Variants in SERPINB13 observed in about 807,000 individuals in gnomAD.
The protein encoded by SERPINB13 is serpin family B member 13.
A neutral mutation model predicts 31.2 loss-of-function variants in SERPINB13; 26 were observed. The observed-to-expected ratio is 0.83, with a 90% CI of 0.61 to 1.15. The LOEUF is 1.15. Ranked by LOEUF, SERPINB13 falls within the 50% of genes most tolerant of loss-of-function variation. SERPINB13 has a pLI of 0.00. For missense variants in SERPINB13, 510 were observed against 469.4 expected, an observed-to-expected ratio of 1.09 and a Z score of -0.80; for synonymous variants, 191 against 172.4, an observed-to-expected ratio of 1.11 and a Z score of -0.85.
In SERPINB13 at chr18:63,589,451, T is replaced by TCACACACACACACA. The variant is rs112829867; in HGVS notation, c.166-179_166-166dup. ...ACCTGGCCAAAAGAGCAAAACTCCA[T>TCACACACACACACA]CACACACACACACACACACACACAC... On this transcript the variant is annotated intron_variant, in intron 2 of 7. Coordinates refer to ENST00000344731, the MANE Select transcript of SERPINB13 (RefSeq NM_012397.4). Among the ~76,000 whole-genome samples the TCACACACACACACA allele has an allele frequency of 3.3e-3, 367 of 111,982 alleles. 2 individuals are homozygous for TCACACACACACACA. The highest frequency in any genetic ancestry group is 9.4e-3 in the African/African-American group (337 of 35,700). 73.5% of individuals were successfully genotyped at this position (111,982 alleles called of 152,430 possible). A position where few individuals can be genotyped will look rare whatever the true frequency, so the allele number is the denominator to read the frequency against.
rs748247947 is a variant in SERPINB13, at chr18:63,597,340, T to G, written c.1153T>G (p.Phe385Val). Residue 385 changes from phenylalanine to valine, a missense_variant, in exon 8 of 8, where the codon TTC becomes GTC. Phe to Val is a conservative substitution (Grantham distance 50). Transcript: ENST00000344731. ...CAATGAATCCAACAGCATCCTCTTC[T>G]TCGGCAGATTTTCTTCTCCTTAAGA... Reference protein sequence around the residue: ...RHNESNSILFFGRFSSP With the variant: ...RHNESNSILFVGRFSSP The G allele has an allele frequency of 1.2e-5, 19 of 1,613,014 alleles. No individual in the cohort carries two copies. The highest frequency in any genetic ancestry group is 1.6e-5 in the Non-Finnish European group (19 of 1,179,414).
At chr18:63,592,115 G>C (rs1013759108) in intron 3 of SERPINB13, among the ~76,000 whole-genome samples, 6 of 152,196 alleles carry the variant, frequency 3.9e-5, no homozygotes, top group Admixed American at 6.5e-5. Flanking sequence ...TGCAAGATCT[G>C]TGGTGTTGGG....
At position 63,592,280 on chromosome 18, in the gene SERPINB13, C is replaced by T. The variant is rs1911898315; in HGVS notation, c.226-68C>T. ...GAGGGAGAGACCCAGCAGCCGCATC[C>T]TCTTAGGGGAGAATCTGGGCTTGCT... On this transcript the variant is annotated intron_variant, in intron 3 of 7. Coordinates refer to ENST00000344731, the MANE Select transcript of SERPINB13 (RefSeq NM_012397.4). 1.9e-6 allele frequency: 3 copies of T among 1,556,618 alleles called. No individual in the cohort carries two copies. In the East Asian group the frequency reaches 6.8e-5, roughly 35 times the overall value.
At chr18:63,593,451 A>G (rs907918505) in intron 5 of SERPINB13, among the ~76,000 whole-genome samples, 4 of 152,168 alleles carry the variant, frequency 2.6e-5, no homozygotes, top group Admixed American at 2.6e-4. Flanking sequence ...GTTCCCATCC[A>G]CAGCTGGGGC....
intron 6 of SERPINB13, among the ~76,000 whole-genome samples, chr18:63,594,722 C>T (rs186074623): frequency 6.6e-6 from 1 of 151,956 alleles, no homozygotes; most frequent in African/African-American, 2.4e-5. Flanking sequence ...GCCGGTAGTC[C>T]CAGCTACTTG....
chr18:63,588,837 G>A lies in SERPINB13; in HGVS notation c.165+5G>A. 6.2e-7 allele frequency: 1 copy of A among 1,613,078 alleles called. No individual in the cohort carries two copies. The highest frequency in any genetic ancestry group is 2.2e-5 in the East Asian group (1 of 44,836). On this transcript the variant is annotated splice_donor_5th_base_variant and intron_variant, in intron 2 of 7. Transcript: ENST00000344731. ...ACCGCTTCCCAGTTGGAGGAGGTTGGGCGCAGTCAGGGGGCTTCCTTGTTT... is the reference window on the plus strand; with the variant it reads ...ACCGCTTCCCAGTTGGAGGAGGTTGAGCGCAGTCAGGGGGCTTCCTTGTTT...
At position 63,599,061 on chromosome 18, in the gene SERPINB13, T is replaced by C. The variant is rs1912350994; in HGVS notation, c.*1698T>C. The C allele has an allele frequency of 6.6e-6, 1 of 152,182 alleles. No homozygotes were observed. The highest frequency in any genetic ancestry group is 2.4e-5 in the African/African-American group (1 of 41,444). The allele number at this position is 152,182 out of a possible 1,614,324, so 9.4% of individuals were successfully genotyped here. ...TTGTTTGACTTTGTTTGGTGAAATG[T>C]ATACAAATCATTTGCTCATTTTTAA... is the stretch of plus-strand genomic sequence containing the variant. On this transcript the variant is annotated 3_prime_UTR_variant, in exon 8 of 8. Coordinates refer to ENST00000344731, the MANE Select transcript of SERPINB13 (RefSeq NM_012397.4).
chr18:63,599,091 G>A lies in SERPINB13; in HGVS notation c.*1728G>A, dbSNP rs1912351943. ...AAATCATTTGCTCATTTTTAATTTG[G>A]GTTGTCTGTCTTGTCTTCTCATTTT... On this transcript the variant is annotated 3_prime_UTR_variant, in exon 8 of 8. Transcript: ENST00000344731. 6.6e-6 allele frequency: 1 copy of A among 151,762 alleles called. No homozygotes were observed. The highest frequency in any genetic ancestry group is 2.4e-5 in the African/African-American group (1 of 41,306). 9.4% of individuals were successfully genotyped at this position (151,762 alleles called of 1,614,324 possible). A position where few individuals can be genotyped will look rare whatever the true frequency, so the allele number is the denominator to read the frequency against.
rs775291901 is a variant in SERPINB13 at position 63,588,814 on chromosome 18, C to G, written c.147C>G (p.Thr49=). Residue 49 remains threonine (T), a synonymous_variant, in exon 2 of 8, where the codon ACC becomes ACG. Transcript: ENST00000344731. ...GMVLLGTRGA[T]ASQLEEVFHS... ...TCCTCCTGGGGACCCGAGGAGCCAC[C>G]GCTTCCCAGTTGGAGGAGGTTGGGC... 7 of 1,613,838 alleles carry G rather than the reference C, an allele frequency of 4.3e-6. No individual in the cohort carries two copies. In the South Asian group the frequency reaches 5.5e-5, roughly 13 times the overall value.
At position 63,594,501 on chromosome 18, in the gene SERPINB13, T is replaced by G; in HGVS notation, c.615+4T>G. The stretch of plus-strand genomic sequence containing the variant: ...AGAGAAATTTTGGATGAATAAGGTA[T>G]GGCCCTTAGTTTATTTTCGTGATGT... On this transcript the variant is annotated splice_donor_region_variant and intron_variant, in intron 6 of 7. Coordinates refer to ENST00000344731, the MANE Select transcript of SERPINB13 (RefSeq NM_012397.4). 3 of 1,613,104 alleles carry G rather than the reference T, an allele frequency of 1.9e-6. No individual in the cohort carries two copies. The South Asian group carries it at 3.3e-5, about 18-fold the overall frequency.
intron 3 of SERPINB13, among the ~76,000 whole-genome samples, chr18:63,591,288 C>G (rs896221793): frequency 6.6e-6 from 1 of 152,156 alleles, no homozygotes; most frequent in Non-Finnish European, 1.5e-5. Context: ...TAAGATTCAT[C>G]TATTTTAAGG....
At chr18:63,593,846 C>T (rs1012735315) in intron 5 of SERPINB13, among the ~76,000 whole-genome samples, 3 of 152,088 alleles carry the variant, frequency 2.0e-5, no homozygotes, top group Admixed American at 6.5e-5. Flanking sequence ...AATATCAACT[C>T]CTTCTCCAAT....
chr18:63,591,187 T>A (rs980093784), intron 3 of SERPINB13, among the ~76,000 whole-genome samples: 11 of 152,188 alleles, frequency 7.2e-5, no homozygotes, highest in African/African-American at 2.7e-4. Flanking sequence ...AGGTGTTCAT[T>A]ATTCCCACGT....
intron 3 of SERPINB13, among the ~76,000 whole-genome samples, chr18:63,590,975 T>C (rs980852056): frequency 1.3e-5 from 2 of 152,220 alleles, no homozygotes; most frequent in African/African-American, 4.8e-5. Context: ...TGAATCTTGC[T>C]TTTAAAAAAT....
At chr18:63,590,415 C>T (rs1911785180) in intron 3 of SERPINB13, among the ~76,000 whole-genome samples, 1 of 152,150 alleles carries the variant, frequency 6.6e-6, no homozygotes, top group South Asian at 2.1e-4. Flanking sequence ...ATTCCAGACC[C>T]TCATAAAACC....
rs201386595 is a variant in SERPINB13 at position 63,598,221 on chromosome 18, G to A, written c.*858G>A. On this transcript the variant is annotated 3_prime_UTR_variant, in exon 8 of 8. Coordinates refer to ENST00000344731, the MANE Select transcript of SERPINB13 (RefSeq NM_012397.4). ...ACCTAATGCTCTTAATTATTGGCTT[G>A]TTTCATTTTTTTCCTCCAGTTTTTA... 2.0e-5 allele frequency: 3 copies of A among 149,880 alleles called. No homozygotes were observed. Among genetic ancestry groups the A allele is most frequent in the Non-Finnish European group, 3.0e-5 (2 of 67,556 alleles). 9.3% of individuals were successfully genotyped at this position (149,880 alleles called of 1,614,324 possible). A position where few individuals can be genotyped will look rare whatever the true frequency, so the allele number is the denominator to read the frequency against.
intron 5 of SERPINB13, 97 bp downstream of exon 5, chr18:63,593,068 G>A: frequency 1.3e-6 from 1 of 791,798 alleles, no homozygotes; most frequent in Non-Finnish European, 2.1e-6. Context: ...ATGAAGCCCT[G>A]GACTTGTCAC....
Position 63,598,880 on chromosome 18 carries a change from A to G in SERPINB13, c.*1517A>G, listed in dbSNP as rs1912339060. ...TTTTATATTCCCACCAGGAATGTTT[A>G]AAACTAGTGTCTTCAAATCCTCACC... On this transcript the variant is annotated 3_prime_UTR_variant, in exon 8 of 8. Transcript: ENST00000344731. 6.6e-6 allele frequency: 1 copy of G among 152,208 alleles called. No individual in the cohort carries two copies. Among genetic ancestry groups the G allele is most frequent in the Non-Finnish European group, 1.5e-5 (1 of 68,020 alleles). The allele number at this position is 152,208 out of a possible 1,614,324, so 9.4% of individuals were successfully genotyped here.
chr18:63,590,328 C>T (rs1568144259), intron 3 of SERPINB13, among the ~76,000 whole-genome samples: 1 of 152,142 alleles, frequency 6.6e-6, no homozygotes, highest in Admixed American at 6.5e-5. Flanking sequence ...AAGGAATAAG[C>T]CCATTAGGTC....
Sources: allele counts gnomAD v4.1 joint callset (sites outside exome capture counted in the v4.1 genomes callset), GRCh38; gene constraint gnomAD v4.1.1; transcripts MANE v1.5; gene names NCBI Gene and HGNC (gene_info 2026-07-23, HGNC 2026-07-21).